Variants in SPAG16 observed in about 807,000 individuals in gnomAD.
SPAG16 encodes sperm-associated antigen 16 protein.
Under a neutral mutation model 80.4 loss-of-function variants are expected in SPAG16, and 86 were observed. The ratio of observed to expected loss-of-function variants is 1.07; its 90% confidence interval spans 0.90 to 1.28. SPAG16 has a LOEUF of 1.28. Among genes scored for constraint, SPAG16 ranks in the 50% most tolerant of loss-of-function variants. The probability of loss-of-function intolerance (pLI) is 0.00; values close to 1 mark genes in which losing one functional copy is unlikely to be tolerated. For synonymous variants in SPAG16, 294 were observed against 265.9 expected (o/e 1.11, Z -1.03); for missense variants, 870 against 765.3 (o/e 1.14, Z -1.61).
intron 13 of SPAG16, among the ~76,000 whole-genome samples, chr2:214,065,701 C>G (rs16851361): frequency 0.037 from 5,688 of 152,088 alleles, 180 homozygotes; most frequent in South Asian, 0.18. Context: ...ATATTTATTT[C>G]CTCTGTTAAT....
At chr2:214,309,068 A>G (rs1912172) in intron 15 of SPAG16, among the ~76,000 whole-genome samples, 151,987 of 152,020 alleles carry the variant, frequency 1, 75,977 homozygotes, top group Middle Eastern at 1. Flanking sequence ...CATATGTCTC[A>G]GAGGTTTTGT....
intron 10 of SPAG16, among the ~76,000 whole-genome samples, chr2:213,806,009 T>C (rs572808329): frequency 4.0e-5 from 6 of 150,954 alleles, no homozygotes; most frequent in African/African-American, 1.2e-4. Flanking sequence ...TGGAAATCGC[T>C]TTATATGTAG....
At chr2:213,752,947 A>G (rs896295647) in intron 10 of SPAG16, among the ~76,000 whole-genome samples, 27 of 152,218 alleles carry the variant, frequency 1.8e-4, no homozygotes, top group African/African-American at 5.8e-4. Flanking sequence ...TAAATATTTT[A>G]CATGTATTTA....
At chr2:213,970,537 A>C (rs972923626) in intron 12 of SPAG16, among the ~76,000 whole-genome samples, 1 of 152,132 alleles carries the variant, frequency 6.6e-6, no homozygotes, top group Admixed American at 6.5e-5. Context: ...CCTGAACACA[A>C]GCAATCTGCC....
chr2:213,525,891 A>G (rs997956911), intron 10 of SPAG16, among the ~76,000 whole-genome samples: 5 of 152,126 alleles, frequency 3.3e-5, no homozygotes, highest in African/African-American at 4.8e-5. Flanking sequence ...TACAAATTTT[A>G]TAATTATCTA....
intron 10 of SPAG16, among the ~76,000 whole-genome samples, chr2:213,794,599 A>G (rs2070909024): frequency 6.6e-6 from 1 of 152,142 alleles, no homozygotes; most frequent in South Asian, 2.1e-4. Context: ...GGGACAAAAA[A>G]TGTTGTTGGA....
At chr2:214,014,545 A>T (rs2047490286) in intron 13 of SPAG16, among the ~76,000 whole-genome samples, 1 of 152,302 alleles carries the variant, frequency 6.6e-6, no homozygotes, top group East Asian at 1.9e-4. Flanking sequence ...CCTAGGCTTG[A>T]GCTAAGATCT....
chr2:213,321,738 C>T (rs1194465589), intron 5 of SPAG16, among the ~76,000 whole-genome samples: 1 of 151,974 alleles, frequency 6.6e-6, no homozygotes, highest in Admixed American at 6.6e-5. Flanking sequence ...TATCTGTCTT[C>T]CAAAATATAA....
At chr2:213,671,558 A>G (rs2063813019) in intron 10 of SPAG16, among the ~76,000 whole-genome samples, 2 of 152,072 alleles carry the variant, frequency 1.3e-5, no homozygotes, top group Non-Finnish European at 2.9e-5. Context: ...GCTGTCTCCC[A>G]TCTCCTCCAT....
At chr2:213,721,006 C>G (rs1208516391) in intron 10 of SPAG16, among the ~76,000 whole-genome samples, 2 of 152,130 alleles carry the variant, frequency 1.3e-5, no homozygotes, top group East Asian at 3.9e-4. Flanking sequence ...CCCACCTCAG[C>G]CTCCCAAAGT....
chr2:213,962,625 A>G (rs1324407221), intron 12 of SPAG16, among the ~76,000 whole-genome samples: 1 of 152,218 alleles, frequency 6.6e-6, no homozygotes, highest in African/African-American at 2.4e-5. Flanking sequence ...TGATATTTTG[A>G]TCTGGGTCTT....
chr2:213,607,587 T>A (rs2061307675), intron 10 of SPAG16, among the ~76,000 whole-genome samples: 2 of 152,224 alleles, frequency 1.3e-5, no homozygotes, highest in South Asian at 4.1e-4. Context: ...TTATATCTGA[T>A]GAAGAAATTA....
At chr2:213,375,307 A>G (rs926839759) in intron 9 of SPAG16, 188 bp downstream of exon 9, 3 of 439,492 alleles carry the variant, frequency 6.8e-6, no homozygotes, top group Non-Finnish European at 8.3e-6. Flanking sequence ...TCAGGGACAC[A>G]GGCTTATTAG....
At chr2:213,489,075 A>T (rs2074122846) in intron 9 of SPAG16, among the ~76,000 whole-genome samples, 1 of 144,222 alleles carries the variant, frequency 6.9e-6, no homozygotes, top group African/African-American at 2.5e-5. Flanking sequence ...ACTCCATCTC[A>T]AAAACGAAAA....
chr2:213,829,994 T>A (rs1405478397), intron 10 of SPAG16, among the ~76,000 whole-genome samples: 1 of 152,094 alleles, frequency 6.6e-6, no homozygotes, highest in Non-Finnish European at 1.5e-5. Context: ...ACAAGGACTC[T>A]CTTAGCCACC....
intron 14 of SPAG16, among the ~76,000 whole-genome samples, chr2:214,127,388 T>C (rs10186170): frequency 0.45 from 67,932 of 151,444 alleles, 15,817 homozygotes; most frequent in South Asian, 0.53. Context: ...CAATATCACA[T>C]GCTGTTCCTT....
At chr2:213,451,031 AG>A (rs2125574271) in intron 9 of SPAG16, among the ~76,000 whole-genome samples, 1 of 152,328 alleles carries the variant, frequency 6.6e-6, no homozygotes, top group East Asian at 1.9e-4. Context: ...TATAGTAATT[AG>A]GCATAATATG....
chr2:214,401,094 T>C (rs1701681586), intron 15 of SPAG16, among the ~76,000 whole-genome samples: 1 of 152,008 alleles, frequency 6.6e-6, no homozygotes, highest in African/African-American at 2.4e-5. Flanking sequence ...CAAAATAAAC[T>C]AAATCACATT....
chr2:214,014,662 A>G (rs1225725816), intron 13 of SPAG16, among the ~76,000 whole-genome samples: 2 of 152,242 alleles, frequency 1.3e-5, no homozygotes, highest in Non-Finnish European at 2.9e-5. Flanking sequence ...ATGTTCTGAC[A>G]GTAATGATAT....
Sources: allele counts gnomAD v4.1 joint callset (sites outside exome capture counted in the v4.1 genomes callset), GRCh38; gene constraint gnomAD v4.1.1; transcripts MANE v1.5; gene names NCBI Gene and HGNC (gene_info 2026-07-23, HGNC 2026-07-21).